The following SEC14L1 variants were observed in gnomAD, a reference collection of about 807,000 sequenced individuals.
SEC14L1 encodes SEC14 like lipid binding 1.
SEC14L1 carries 48 observed loss-of-function variants against 85.3 expected under a neutral mutation model. The ratio of observed to expected loss-of-function variants is 0.56; its 90% confidence interval spans 0.45 to 0.72. The LOEUF is 0.72. Ranked by LOEUF, SEC14L1 falls within the 30% of genes least tolerant of loss-of-function variation. SEC14L1 has a pLI of 0.00. For missense variants in SEC14L1, 682 were observed against 921.4 expected, an observed-to-expected ratio of 0.74 and a Z score of 3.36; for synonymous variants, 391 against 355.5, an observed-to-expected ratio of 1.10 and a Z score of -1.12.
chr17:77,118,533 C>T (rs1213060000), intron 3 of SEC14L1, among the ~76,000 whole-genome samples: 1 of 152,210 alleles, frequency 6.6e-6, no homozygotes, highest in Non-Finnish European at 1.5e-5. Flanking sequence ...GTTCCAAGGG[C>T]AATGGACATG....
chr17:77,138,580 A>T (rs148775937), upstream of SEC14L1, among the ~76,000 whole-genome samples: 1,911 of 152,336 alleles, frequency 0.013, 18 homozygotes, highest in Non-Finnish European at 0.021. Context: ...AGATCGTGCC[A>T]CTGCACTCCA....
intron 7 of SEC14L1, among the ~76,000 whole-genome samples, chr17:77,195,259 G>A (rs1975748300): frequency 6.6e-6 from 1 of 151,632 alleles, no homozygotes; most frequent in African/African-American, 2.4e-5. Flanking sequence ...GCCTCCCAAA[G>A]TGCTGGGATT....
rs771766447 is a variant in SEC14L1 at position 77,216,512 on chromosome 17, G to C, written c.*2489G>C. ...TCCCAAATCACAAGGGCCTGAAGGT[G>C]GTCCCTGCTTTCTCTTTCTCTTTCT... On this transcript the variant is annotated 3_prime_UTR_variant, in exon 17 of 17. Coordinates refer to ENST00000436233, the MANE Select transcript of SEC14L1 (RefSeq NM_001143998.2). 4 of 1,613,090 alleles carry C rather than the reference G, an allele frequency of 2.5e-6. No individual in the cohort carries two copies. The highest frequency in any genetic ancestry group is 3.4e-6 in the Non-Finnish European group (4 of 1,179,354).
At chr17:77,132,906 A>G (rs936651927) in intron 3 of SEC14L1, among the ~76,000 whole-genome samples, 3 of 148,344 alleles carry the variant, frequency 2.0e-5, no homozygotes, top group African/African-American at 7.5e-5. Context: ...TCTCTCGCCC[A>G]GGCTGGAGTG....
chr17:77,214,727 C>A lies in SEC14L1; in HGVS notation c.*704C>A, dbSNP rs1401067505. 1 of 985,362 alleles carries A rather than the reference C, an allele frequency of 1.0e-6. No individual in the cohort carries two copies. The highest frequency in any genetic ancestry group is 4.7e-5 in the South Asian group (1 of 21,296). 61.0% of individuals were successfully genotyped at this position (985,362 alleles called of 1,614,324 possible). Reference sequence around the variant, plus strand: ...ACTTTCTCTTTCCTCCTTTTCAAATCTTTTTGATACTTTTTAGAGCAGGAT... The same window carrying A: ...ACTTTCTCTTTCCTCCTTTTCAAATATTTTTGATACTTTTTAGAGCAGGAT... On this transcript the variant is annotated 3_prime_UTR_variant, in exon 17 of 17. Coordinates refer to ENST00000436233, the MANE Select transcript of SEC14L1 (RefSeq NM_001143998.2).
At chr17:77,103,954 C>T (rs1469036340) in intron 3 of SEC14L1, among the ~76,000 whole-genome samples, 2 of 151,510 alleles carry the variant, frequency 1.3e-5, no homozygotes, top group African/African-American at 2.4e-5. Context: ...CCACCTGGCA[C>T]GCCCTGCCCC....
chr17:77,123,562 T>A (rs1972359823), intron 3 of SEC14L1, among the ~76,000 whole-genome samples: 2 of 151,782 alleles, frequency 1.3e-5, no homozygotes, highest in South Asian at 4.2e-4. Context: ...CAGGCACACA[T>A]CACCAAATCT....
chr17:77,196,504 C>G (rs1975813402), intron 8 of SEC14L1, among the ~76,000 whole-genome samples, 193 bp downstream of exon 8: 1 of 152,230 alleles, frequency 6.6e-6, no homozygotes, highest in South Asian at 2.1e-4. Flanking sequence ...GCATGACTAA[C>G]TGCATTTTTC....
chr17:77,169,007 C>CTT (rs71160208), intron 3 of SEC14L1, among the ~76,000 whole-genome samples: 33 of 77,844 alleles, frequency 4.2e-4, no homozygotes, highest in African/African-American at 7.2e-4. Flanking sequence ...TGAGGAGCAT[C>CTT]TTTTTTTTTT....
chr17:77,209,512 TTCC>T (rs745408236), intron 14 of SEC14L1, 36 bp downstream of exon 14: 1 of 1,604,874 alleles, frequency 6.2e-7, no homozygotes, highest in Non-Finnish European at 8.5e-7. Flanking sequence ...GGGCCGGCCC[TTCC>T]TCCGCAGAGG....
intron 3 of SEC14L1, among the ~76,000 whole-genome samples, chr17:77,096,075 T>C (rs1013310726): frequency 6.7e-6 from 1 of 149,086 alleles, no homozygotes; most frequent in African/African-American, 2.5e-5. Context: ...TTTTTTTTTT[T>C]AAATAGAGAT....
intron 3 of SEC14L1, among the ~76,000 whole-genome samples, chr17:77,120,228 A>C (rs940352574): frequency 6.6e-6 from 1 of 152,084 alleles, no homozygotes; most frequent in Admixed American, 6.6e-5. Context: ...AAATAAATTT[A>C]AAAAAAGTGA....
chr17:77,141,875 C>T (rs192792404), intron 1 of SEC14L1, among the ~76,000 whole-genome samples: 222 of 152,216 alleles, frequency 1.5e-3, no homozygotes, highest in Non-Finnish European at 1.8e-3. Context: ...TTAATATTCC[C>T]AATTAAATTT....
intron 3 of SEC14L1, among the ~76,000 whole-genome samples, chr17:77,106,881 T>C (rs1971927289): frequency 6.6e-6 from 1 of 152,062 alleles, no homozygotes; most frequent in Non-Finnish European, 1.5e-5. Context: ...AGGAGAGAAA[T>C]AGGCTGCGTT....
chr17:77,162,762 G>A (rs1289802124), intron 3 of SEC14L1, among the ~76,000 whole-genome samples: 3 of 151,530 alleles, frequency 2.0e-5, no homozygotes, highest in Non-Finnish European at 2.9e-5. Context: ...CCGGGGAGGT[G>A]GAGGTGTCGG....
Position 77,206,501 on chromosome 17 carries a change from GA to G in SEC14L1, c.1341+109del. 5 of 1,384,126 alleles carry G rather than the reference GA, an allele frequency of 3.6e-6. No individual in the cohort carries two copies. Among genetic ancestry groups the G allele is most frequent in the South Asian group, 1.4e-5 (1 of 70,422 alleles). 85.7% of individuals were successfully genotyped at this position (1,384,126 alleles called of 1,614,324 possible). A position where few individuals can be genotyped will look rare whatever the true frequency, so the allele number is the denominator to read the frequency against. On this transcript the variant is annotated intron_variant, in intron 12 of 16. Coordinates refer to ENST00000436233, the MANE Select transcript of SEC14L1 (RefSeq NM_001143998.2). The surrounding 1 kb of genome is among the most constrained non-coding windows in gnomAD (Gnocchi z 4.3). ...GTGACCTAAAGTCTTAACTTCTTAG[GA>G]AAAAAAACAATAACATGCAAAGATA...
Position 77,216,367 on chromosome 17 carries a change from G to T in SEC14L1, c.*2344G>T, listed in dbSNP as rs1403655276. On this transcript the variant is annotated 3_prime_UTR_variant, in exon 17 of 17. Transcript: ENST00000436233. ...TTAGTAGGTAGGGCTAGTAGGTAGG[G>T]CTAGTAGGTAGGGCTAGTAGGTAGG... The T allele has an allele frequency of 1.4e-6, 2 of 1,381,314 alleles. No individual in the cohort carries two copies. 85.6% of individuals were successfully genotyped at this position (1,381,314 alleles called of 1,614,324 possible).
intron 3 of SEC14L1, among the ~76,000 whole-genome samples, chr17:77,171,496 C>A (rs945981876): frequency 1.6e-4 from 25 of 152,156 alleles, no homozygotes; most frequent in African/African-American, 6.0e-4. Flanking sequence ...GGAAAGATTT[C>A]TTTGATACCT....
chr17:77,169,227 C>T (rs558743539), intron 3 of SEC14L1, among the ~76,000 whole-genome samples: 85 of 152,162 alleles, frequency 5.6e-4, no homozygotes, highest in Non-Finnish European at 1.0e-3. Context: ...TTTGACTACA[C>T]CCTGTTAGGT....
Sources: allele counts gnomAD v4.1 joint callset (sites outside exome capture counted in the v4.1 genomes callset), GRCh38; gene constraint gnomAD v4.1.1; non-coding constraint Gnocchi (gnomAD v3.1); transcripts MANE v1.5; gene names NCBI Gene and HGNC (gene_info 2026-07-23, HGNC 2026-07-21).